Variants in DCC observed in about 807,000 individuals in gnomAD.
DCC encodes the protein netrin receptor DCC.
A neutral mutation model predicts 172.5 loss-of-function variants in DCC; 58 were observed. The ratio of observed to expected loss-of-function variants is 0.34; its 90% CI spans 0.27 to 0.42. The LOEUF (loss-of-function observed/expected upper bound fraction) is 0.42. Among genes scored for constraint, DCC ranks in the 10% least tolerant of loss-of-function variants. The pLI, the probability that DCC is intolerant of heterozygous loss-of-function variation, is 1.00. For missense variants in DCC, 1,740 were observed against 1,791.0 expected (o/e 0.97, Z 0.51); for synonymous variants, 709 against 644.5 (o/e 1.10, Z -1.52).
chr18:52,797,427 T>A (rs1383830599), intron 2 of DCC, among the ~76,000 whole-genome samples: 1 of 152,242 alleles, frequency 6.6e-6, no homozygotes, highest in Non-Finnish European at 1.5e-5. Context: ...TTCCTACAGA[T>A]GTATTATAGT....
intron 5 of DCC, among the ~76,000 whole-genome samples, chr18:53,048,498 T>C (rs1339654845): frequency 1.2e-5 from 1 of 86,352 alleles, no homozygotes; most frequent in Non-Finnish European, 2.3e-5. Context: ...TTTGTGTGTG[T>C]GTGTGTGTGT....
At chr18:53,454,469 G>T (rs532321638) in intron 23 of DCC, among the ~76,000 whole-genome samples, 5 of 152,222 alleles carry the variant, frequency 3.3e-5, no homozygotes, top group Non-Finnish European at 7.3e-5. Context: ...TTTATCCACA[G>T]ATACTAAGGA....
intron 12 of DCC, among the ~76,000 whole-genome samples, chr18:53,251,214 C>T (rs2056427354): frequency 6.6e-6 from 1 of 151,902 alleles, no homozygotes; most frequent in Non-Finnish European, 1.5e-5. Flanking sequence ...TCTGTCTGTT[C>T]ACCGCTTAAA....
intron 1 of DCC, among the ~76,000 whole-genome samples, chr18:52,412,944 T>C: frequency 6.6e-6 from 1 of 152,152 alleles, no homozygotes; most frequent in East Asian, 1.9e-4. Context: ...CAGATTTAAC[T>C]GAATAGGATT....
chr18:52,765,259 G>T (rs1441672817), intron 2 of DCC, among the ~76,000 whole-genome samples: 1 of 145,490 alleles, frequency 6.9e-6, no homozygotes, highest in African/African-American at 2.5e-5. Context: ...TGGCCAGGCT[G>T]GTTTTGAACT....
intron 2 of DCC, among the ~76,000 whole-genome samples, chr18:52,790,189 A>G (rs2037733425): frequency 6.6e-6 from 1 of 152,188 alleles, no homozygotes. Context: ...ATGAAACAAT[A>G]TGGAAGCCTG....
At chr18:52,961,939 G>C (rs148421565) in intron 5 of DCC, among the ~76,000 whole-genome samples, 9,008 of 151,950 alleles carry the variant, frequency 0.059, 311 homozygotes, top group African/African-American at 0.064. Context: ...CTTCCTTACA[G>C]CTTATACAAA....
chr18:52,787,527 G>A (rs2037682895), intron 2 of DCC, among the ~76,000 whole-genome samples: 1 of 152,092 alleles, frequency 6.6e-6, no homozygotes, highest in Admixed American at 6.6e-5. Context: ...GAAATCCCAT[G>A]CACTGTTGGA....
chr18:52,989,051 A>G (rs559580015), intron 5 of DCC, among the ~76,000 whole-genome samples: 1 of 152,154 alleles, frequency 6.6e-6, no homozygotes, highest in East Asian at 1.9e-4. Flanking sequence ...ATCTCTTTAA[A>G]TGTTGTGGTT....
In DCC at chr18:52,927,770, C is replaced by T. The variant is rs139033579; in HGVS notation, c.985+2400C>T. 5.2e-4 allele frequency among the ~76,000 whole-genome samples: 79 copies of T among 151,982 alleles called. No individual in the cohort carries two copies. In the South Asian group the frequency reaches 0.013, roughly 25 times the overall value. On this transcript the variant is annotated intron_variant, in intron 5 of 28. Transcript: ENST00000442544. ...AAGGTCAAAAAATAACAGATATTGC[C>T]GGGGTTGTGGAGAAAAGAGAAAGAG...
intron 1 of DCC, among the ~76,000 whole-genome samples, chr18:52,376,674 G>T (rs1211543591): frequency 6.6e-6 from 1 of 152,104 alleles, no homozygotes; most frequent in Non-Finnish European, 1.5e-5. Flanking sequence ...GATTTTCTCT[G>T]CAATCATTTA....
At chr18:52,590,358 G>C (rs2033772622) in intron 1 of DCC, among the ~76,000 whole-genome samples, 1 of 152,120 alleles carries the variant, frequency 6.6e-6, no homozygotes, top group Non-Finnish European at 1.5e-5. Flanking sequence ...CAAATTACCA[G>C]ATGTTTTTGG....
At chr18:52,441,450 T>A (rs766967428) in intron 1 of DCC, among the ~76,000 whole-genome samples, 8 of 152,218 alleles carry the variant, frequency 5.3e-5, no homozygotes, top group Non-Finnish European at 1.2e-4. Context: ...ATTTTATTTT[T>A]ACCTTATTTT....
intron 7 of DCC, among the ~76,000 whole-genome samples, chr18:53,089,089 G>A (rs950806102): frequency 4.6e-5 from 7 of 152,008 alleles, no homozygotes; most frequent in African/African-American, 1.7e-4. Context: ...TGTTGTTGTT[G>A]TTGTTGCTTG....
intron 1 of DCC, among the ~76,000 whole-genome samples, chr18:52,361,594 C>G (rs1456908528): frequency 6.6e-6 from 1 of 152,158 alleles, no homozygotes; most frequent in East Asian, 1.9e-4. Context: ...CCCTCTTGAA[C>G]CTTGCCTCTA....
chr18:53,270,266 G>A (rs1329281039), intron 12 of DCC, among the ~76,000 whole-genome samples: 2 of 152,076 alleles, frequency 1.3e-5, no homozygotes, highest in African/African-American at 2.4e-5. Flanking sequence ...GAATGCTTTT[G>A]TTCAAACATA....
chr18:53,444,498 CAAGAA>C (rs980422172), intron 22 of DCC, among the ~76,000 whole-genome samples: 1 of 152,020 alleles, frequency 6.6e-6, no homozygotes, highest in Non-Finnish European at 1.5e-5. Context: ...GAGTCTGTCT[CAAGAA>C]AAGAAAAGAA....
At chr18:53,147,126 A>C (rs938242272) in intron 7 of DCC, among the ~76,000 whole-genome samples, 6 of 152,156 alleles carry the variant, frequency 3.9e-5, no homozygotes, top group African/African-American at 1.4e-4. Flanking sequence ...TTAAGGTGTA[A>C]GTACTAGGTT....
In DCC at chr18:53,271,751, T is replaced by G. The variant is rs548738555; in HGVS notation, c.1912-33827T>G. Among the ~76,000 whole-genome samples the G allele has an allele frequency of 3.9e-5, 6 of 152,112 alleles. No individual in the cohort carries two copies. In the East Asian group the frequency reaches 1.2e-3, roughly 30 times the overall value. Reference sequence around the variant, plus strand: ...AGGAGCAAGTCAGTAGGTCCAGCCATGGGGAGGGGATTACACAAGAGTAAG... The same window carrying G: ...AGGAGCAAGTCAGTAGGTCCAGCCAGGGGGAGGGGATTACACAAGAGTAAG... On this transcript the variant is annotated intron_variant, in intron 12 of 28. Coordinates refer to ENST00000442544, the MANE Select transcript of DCC (RefSeq NM_005215.4).
Sources: gnomAD v4.1 joint callset for allele counts (sites outside exome capture counted in the v4.1 genomes callset) on GRCh38, gnomAD v4.1.1 for gene constraint, MANE v1.5 for transcripts, NCBI Gene and HGNC (gene_info 2026-07-23, HGNC 2026-07-21) for gene names.